DIAPH2: variants seen among roughly 807,000 people sequenced by gnomAD.
DIAPH2 encodes the protein diaphanous related formin 2.
In DIAPH2, 35 loss-of-function variants were observed where a neutral mutation model predicts 92.7. The ratio of observed to expected loss-of-function variants is 0.38; its 90% CI spans 0.29 to 0.50. DIAPH2 has a LOEUF of 0.50. Ranked by LOEUF, DIAPH2 falls within the 20% of genes least tolerant of loss-of-function variation. The pLI, the probability that DIAPH2 is intolerant of heterozygous loss-of-function variation, is 0.94. For synonymous variants in DIAPH2, 301 were observed against 280.4 expected (o/e 1.07, Z -0.73); for missense variants, 701 against 819.5 (o/e 0.86, Z 1.77).
chrX:96,975,148 A>G (rs1298657291), intron 17 of DIAPH2, among the ~76,000 whole-genome samples: 1 of 111,922 alleles, frequency 8.9e-6, no homozygotes, highest in Non-Finnish European at 1.9e-5. Context: ...TATTGGACAT[A>G]GCTTCAACCT....
chrX:97,163,571 C>A (rs1051971323), intron 22 of DIAPH2, among the ~76,000 whole-genome samples: 4 of 111,893 alleles, frequency 3.6e-5, no homozygotes, highest in African/African-American at 1.3e-4. Context: ...ATGTGGCTAA[C>A]TTTTTCCCTG....
intron 12 of DIAPH2, 120 bp downstream of exon 12, chrX:96,939,502 ATATATATATGTATG>A (rs2065681342): frequency 1.3e-5 from 1 of 79,443 alleles, no homozygotes. Context: ...ATATATATGT[ATATATATATGTATG>A]TATATATATA....
intron 4 of DIAPH2, among the ~76,000 whole-genome samples, chrX:96,833,786 G>A (rs940594935): frequency 9.1e-6 from 1 of 110,132 alleles, no homozygotes; most frequent in South Asian, 3.9e-4. Flanking sequence ...TCAGCCTCCC[G>A]AGTAGCTGGG....
At chrX:96,911,397 A>C (rs1443467467) in intron 5 of DIAPH2, among the ~76,000 whole-genome samples, 1 of 107,620 alleles carries the variant, frequency 9.3e-6, no homozygotes, top group African/African-American at 3.3e-5. Context: ...TAGAAGTAGA[A>C]TATTTGTGAA....
intron 17 of DIAPH2, among the ~76,000 whole-genome samples, chrX:96,978,532 T>C (rs1217362146): frequency 9.0e-6 from 1 of 110,635 alleles, no homozygotes; most frequent in Admixed American, 9.7e-5. Flanking sequence ...ATCTCGTCTA[T>C]TTTAATGCAT....
At chrX:97,560,918 C>G (rs779906017) in intron 26 of DIAPH2, among the ~76,000 whole-genome samples, 1 of 112,610 alleles carries the variant, frequency 8.9e-6, no homozygotes, top group South Asian at 3.7e-4. Flanking sequence ...CAAGAATTTT[C>G]ATATGCTAAC....
chrX:97,316,502 A>C (rs1602501755), intron 23 of DIAPH2, among the ~76,000 whole-genome samples: 3 of 108,471 alleles, frequency 2.8e-5, no homozygotes, highest in African/African-American at 1.0e-4. Flanking sequence ...AAAAAAAAAA[A>C]AAAACTAGCC....
At chrX:97,413,099 C>T (rs1349355040) in intron 25 of DIAPH2, among the ~76,000 whole-genome samples, 2 of 111,490 alleles carry the variant, frequency 1.8e-5, no homozygotes, top group African/African-American at 6.5e-5. Context: ...AGAGACACAA[C>T]CAAAAAAGAG....
intron 23 of DIAPH2, among the ~76,000 whole-genome samples, chrX:97,272,709 A>G (rs1400178236): frequency 8.9e-6 from 1 of 112,192 alleles, no homozygotes; most frequent in Non-Finnish European, 1.9e-5. Context: ...ACCAATGAAG[A>G]CAGGAAAATA....
intron 25 of DIAPH2, among the ~76,000 whole-genome samples, chrX:97,385,545 A>G (rs1376547696): frequency 3.6e-5 from 4 of 111,192 alleles, no homozygotes; most frequent in Non-Finnish European, 7.5e-5. Flanking sequence ...TACATATTTT[A>G]AGTCAATCCT....
At chrX:97,021,729 G>T (rs1022544526) in intron 17 of DIAPH2, among the ~76,000 whole-genome samples, 2 of 111,829 alleles carry the variant, frequency 1.8e-5, no homozygotes, top group Non-Finnish European at 3.8e-5. Context: ...TAAGTCATTG[G>T]TTATTAATAT....
chrX:97,015,087 A>G (rs1339567698), intron 17 of DIAPH2, among the ~76,000 whole-genome samples: 1 of 111,859 alleles, frequency 8.9e-6, no homozygotes, highest in Non-Finnish European at 1.9e-5. Context: ...GTCTCTGTAA[A>G]GAATGGATAA....
At chrX:97,572,775 A>T (rs2147875119) in intron 26 of DIAPH2, among the ~76,000 whole-genome samples, 1 of 111,892 alleles carries the variant, frequency 8.9e-6, no homozygotes, top group East Asian at 2.8e-4. Context: ...TATGGCAGGG[A>T]ACACAAGATT....
chrX:97,232,379 C>T (rs1427882606), intron 22 of DIAPH2, among the ~76,000 whole-genome samples: 1 of 111,427 alleles, frequency 9.0e-6, no homozygotes, highest in African/African-American at 3.3e-5. Flanking sequence ...GGATTACAGG[C>T]GTGTGCCGTC....
At chrX:97,267,559 A>G (rs2068348039) in intron 23 of DIAPH2, among the ~76,000 whole-genome samples, 1 of 111,421 alleles carries the variant, frequency 9.0e-6, no homozygotes, top group Non-Finnish European at 1.9e-5. Flanking sequence ...CCCAGTTGCA[A>G]TGCTAACAAG....
At chrX:97,376,433 T>C (rs2069501134) in intron 24 of DIAPH2, among the ~76,000 whole-genome samples, 1 of 111,848 alleles carries the variant, frequency 8.9e-6, no homozygotes, top group Admixed American at 9.6e-5. Context: ...TACCTGATGT[T>C]GCAAGATTTT....
chrX:97,294,127 G>A (rs1004492333), intron 23 of DIAPH2, among the ~76,000 whole-genome samples: 2 of 111,566 alleles, frequency 1.8e-5, no homozygotes, highest in East Asian at 2.8e-4. Context: ...GGGTAGGTTC[G>A]TAGTTTATCT....
Position 97,599,262 on chromosome X carries a change from G to T in DIAPH2, c.3251G>T (p.Arg1084Leu), listed in dbSNP as rs761184951. The change falls in exon 27 of 27, where the codon CGA (arginine) becomes CTA (leucine). Residue 1084 changes from arginine (R) to leucine (L), a missense_variant. By Grantham distance (102) the Arg-to-Leu change is moderately radical. Coordinates refer to ENST00000324765, the MANE Select transcript of DIAPH2 (RefSeq NM_006729.5). ...TCTGTTTGTCTTACAGATAACAGAC[G>T]AGTACCTTTGGAAAGGTCACGCTCT... ...KRIPRNPDNR[R>L]VPLERSRSRH... 1.7e-6 allele frequency: 2 copies of T among 1,189,779 alleles called. No homozygotes were observed. Among genetic ancestry groups the T allele is most frequent in the East Asian group, 3.0e-5 (1 of 33,027 alleles).
intron 23 of DIAPH2, among the ~76,000 whole-genome samples, chrX:97,268,261 C>A (rs2068354563): frequency 8.9e-6 from 1 of 112,594 alleles, no homozygotes; most frequent in Non-Finnish European, 1.9e-5. Flanking sequence ...TGCTATTACA[C>A]ATGCTTGAGT....
Sources: gnomAD v4.1 joint callset for allele counts (sites outside exome capture counted in the v4.1 genomes callset) on GRCh38, gnomAD v4.1.1 for gene constraint, MANE v1.5 for transcripts, NCBI Gene and HGNC (gene_info 2026-07-23, HGNC 2026-07-21) for gene names.